The following CDYL variants were observed in gnomAD, a reference collection of about 807,000 sequenced individuals.
CDYL encodes chromodomain Y like.
In CDYL, 8 loss-of-function variants were observed where a neutral mutation model predicts 47.3. The ratio of observed to expected loss-of-function variants is 0.17; its 90% CI spans 0.10 to 0.31. The LOEUF (loss-of-function observed/expected upper bound fraction) is 0.31. Among genes scored for constraint, CDYL ranks in the 10% least tolerant of loss-of-function variants. The pLI is 1.00. For missense variants in CDYL, 471 were observed against 701.4 expected (o/e 0.67, Z 3.71); for synonymous variants, 266 against 265.0 (o/e 1.00, Z -0.04).
At chr6:4,786,004 A>T (rs147505899) in intron 1 of CDYL, among the ~76,000 whole-genome samples, 2 of 152,360 alleles carry the variant, frequency 1.3e-5, no homozygotes, top group Non-Finnish European at 2.9e-5. Context: ...AAGAGCTATC[A>T]AGAAGAGTTT....
intron 3 of CDYL, among the ~76,000 whole-genome samples, chr6:4,744,085 G>C (rs1379058085): frequency 6.6e-6 from 1 of 152,198 alleles, no homozygotes; most frequent in East Asian, 1.9e-4. Context: ...GGCTGGTGAA[G>C]GAGGGGTGGG....
At chr6:4,708,068 C>A (rs1264857299) in intron 1 of CDYL, among the ~76,000 whole-genome samples, 1 of 152,044 alleles carries the variant, frequency 6.6e-6, no homozygotes, top group Non-Finnish European at 1.5e-5. Flanking sequence ...CTGAAACTTC[C>A]TTTATGGCCT....
intron 1 of CDYL, among the ~76,000 whole-genome samples, chr6:4,847,114 T>C (rs1760683748): frequency 6.6e-6 from 1 of 152,246 alleles, no homozygotes; most frequent in African/African-American, 2.4e-5. Context: ...CACCCAGGAA[T>C]GCCACCAGTG....
intron 1 of CDYL, among the ~76,000 whole-genome samples, chr6:4,780,429 G>A (rs1447658232): frequency 2.3e-4 from 1 of 4,288 alleles, no homozygotes; most frequent in Non-Finnish European, 5.6e-4. Context: ...CCCCCGCCCC[G>A]GCTAATGTTT....
At chr6:4,748,681 A>ACACACACACG (rs57871036) in intron 3 of CDYL, among the ~76,000 whole-genome samples, 1 of 151,750 alleles carries the variant, frequency 6.6e-6, no homozygotes, top group Non-Finnish European at 1.5e-5. Flanking sequence ...ACACACACAC[A>ACACACACACG]AACAAATTTT....
intron 1 of CDYL, among the ~76,000 whole-genome samples, chr6:4,809,427 G>C (rs946138341): frequency 5.3e-5 from 8 of 152,172 alleles, no homozygotes; most frequent in Non-Finnish European, 1.2e-4. Flanking sequence ...TATACTGTTG[G>C]AGGCCTGCCT....
In CDYL at chr6:4,708,156, AC is replaced by A. The variant is rs1757081142; in HGVS notation, c.-39+1906del. 8.4e-4 allele frequency among the ~76,000 whole-genome samples: 3 copies of A among 3,576 alleles called. No homozygotes were observed. The South Asian group carries it at 0.12, about 138-fold the overall frequency. 2.3% of individuals were successfully genotyped at this position (3,576 alleles called of 152,430 possible). ...CTGTTTGTGTTGTGTACACACACACACACACACACACACACACACACATATA... is the reference window on the plus strand; with the variant it reads ...CTGTTTGTGTTGTGTACACACACACAACACACACACACACACACACATATA... On this transcript the variant is annotated intron_variant, in intron 1 of 8. Coordinates refer to the CDYL transcript ENST00000328908.
At chr6:4,894,847 GTGTGTGTGTATATGTGTATATACACACA>G (rs1441940078) in intron 2 of CDYL, among the ~76,000 whole-genome samples, 1 of 105,928 alleles carries the variant, frequency 9.4e-6, no homozygotes, top group Non-Finnish European at 1.8e-5. Flanking sequence ...GTGTGTGTGT[GTGTGTGTGTATATGTGTATATACACACA>G]TGTGTATGTG....
At chr6:4,890,329 C>T (rs147775766) in intron 1 of CDYL, among the ~76,000 whole-genome samples, 1 of 152,278 alleles carries the variant, frequency 6.6e-6, no homozygotes, top group African/African-American at 2.4e-5. Context: ...AGGGAAAAAT[C>T]GCTTTCAAGA....
At chr6:4,831,115 C>A (rs1368531439) in intron 1 of CDYL, among the ~76,000 whole-genome samples, 2 of 152,020 alleles carry the variant, frequency 1.3e-5, no homozygotes, top group East Asian at 1.9e-4. Flanking sequence ...TTGGGTATAT[C>A]CCCAGTAATG....
chr6:4,729,420 T>G (rs901060561), intron 2 of CDYL, among the ~76,000 whole-genome samples: 2 of 152,002 alleles, frequency 1.3e-5, no homozygotes, highest in African/African-American at 2.4e-5. Flanking sequence ...CCTTGATACC[T>G]TCTCAGACCT....
chr6:4,776,719 T>C lies in CDYL; in HGVS notation c.-65T>C. On this transcript the variant is annotated 5_prime_UTR_variant, in exon 1 of 7. Transcript: ENST00000397588. Reference sequence around the variant, plus strand: ...CGCAGGACCCAACTGAAACAAAGTGTCGGCCGCCCGGCGCCGGCGCCCGCC... The same window carrying C: ...CGCAGGACCCAACTGAAACAAAGTGCCGGCCGCCCGGCGCCGGCGCCCGCC... 7.9e-7 allele frequency: 1 copy of C among 1,268,444 alleles called. No individual in the cohort carries two copies. Among genetic ancestry groups the C allele is most frequent in the Non-Finnish European group, 1.0e-6 (1 of 984,824 alleles). The allele number at this position is 1,268,444 out of a possible 1,614,324, so 78.6% of individuals were successfully genotyped here. A position where few individuals can be genotyped will look rare whatever the true frequency, so the allele number is the denominator to read the frequency against.
At chr6:4,876,828 C>A (rs973938175) in intron 1 of CDYL, among the ~76,000 whole-genome samples, 1 of 152,062 alleles carries the variant, frequency 6.6e-6, no homozygotes, top group Non-Finnish European at 1.5e-5. Flanking sequence ...TTTTGCGGGA[C>A]CAGAGGTAGA....
At chr6:4,828,756 T>A (rs1270622376) in intron 1 of CDYL, among the ~76,000 whole-genome samples, 1 of 152,112 alleles carries the variant, frequency 6.6e-6, no homozygotes, top group Non-Finnish European at 1.5e-5. Flanking sequence ...TTGGTATGCA[T>A]GATGGTGTCC....
chr6:4,773,325 C>T (rs1052632958), upstream of CDYL: 7 of 368,150 alleles, frequency 1.9e-5, no homozygotes, highest in East Asian at 7.8e-5. The surrounding 1 kb of genome is among the most constrained non-coding windows in gnomAD (Gnocchi z 4.6). Context: ...GCAATCTTCC[C>T]GGTGTGCTTA....
intron 3 of CDYL, among the ~76,000 whole-genome samples, chr6:4,750,768 A>G (rs1757974879): frequency 6.6e-6 from 1 of 152,100 alleles, no homozygotes. Context: ...TTGTTATCTC[A>G]TTTAAAAAAA....
chr6:4,818,829 T>C (rs541475153), intron 1 of CDYL, among the ~76,000 whole-genome samples: 1 of 152,340 alleles, frequency 6.6e-6, no homozygotes, highest in Non-Finnish European at 1.5e-5. Flanking sequence ...TGAGTGTAAC[T>C]GTATCACCAG....
intron 3 of CDYL, among the ~76,000 whole-genome samples, chr6:4,765,264 A>G (rs916774712): frequency 4.6e-5 from 7 of 152,116 alleles, no homozygotes; most frequent in African/African-American, 1.7e-4. Context: ...CAGAGGTTGC[A>G]GTAAGCTGAG....
chr6:4,768,294 A>C (rs946154349), intron 3 of CDYL, among the ~76,000 whole-genome samples: 3 of 152,218 alleles, frequency 2.0e-5, no homozygotes, highest in Non-Finnish European at 4.4e-5. Flanking sequence ...CTTGCTTTCT[A>C]ATATGATTTT....
Sources: gnomAD v4.1 joint callset for allele counts (sites outside exome capture counted in the v4.1 genomes callset) on GRCh38, gnomAD v4.1.1 for gene constraint, Gnocchi (gnomAD v3.1) non-coding constraint, MANE v1.5 for transcripts, NCBI Gene and HGNC (gene_info 2026-07-23, HGNC 2026-07-21) for gene names.